Variants in SGMS2 observed in about 807,000 individuals in gnomAD.
SGMS2 encodes sphingomyelin synthase 2, also known as phosphatidylcholine:ceramide cholinephosphotransferase 2.
Under a neutral mutation model 43.8 loss-of-function variants are expected in SGMS2, and 21 were observed. The ratio of observed to expected loss-of-function variants is 0.48; its 90% CI spans 0.34 to 0.69. SGMS2 has a LOEUF of 0.69. Ranked by LOEUF, SGMS2 falls within the 30% of genes least tolerant of loss-of-function variation. SGMS2 has a pLI of 0.01. For missense variants in SGMS2, 384 were observed against 443.2 expected, an observed-to-expected ratio of 0.87 and a Z score of 1.20; for synonymous variants, 167 against 160.6, an observed-to-expected ratio of 1.04 and a Z score of -0.30.
chr4:107,828,729 G>A (rs909561350), intron 1 of SGMS2, among the ~76,000 whole-genome samples: 2 of 152,106 alleles, frequency 1.3e-5, no homozygotes, highest in Non-Finnish European at 2.9e-5. Flanking sequence ...TTTCTAAACT[G>A]TATTCAGAAT....
At chr4:107,832,417 T>C (rs1190935079) in intron 1 of SGMS2, among the ~76,000 whole-genome samples, 1 of 152,222 alleles carries the variant, frequency 6.6e-6, no homozygotes, top group East Asian at 1.9e-4. Flanking sequence ...TACTTAAAAC[T>C]GTTACTCATT....
intron 1 of SGMS2, among the ~76,000 whole-genome samples, chr4:107,844,310 T>A (rs891325311): frequency 6.7e-6 from 1 of 149,812 alleles, no homozygotes; most frequent in Non-Finnish European, 1.5e-5. Flanking sequence ...GGTGACAGAG[T>A]GAGACTCTAT....
At chr4:107,877,670 A>G (rs890980043) in intron 2 of SGMS2, among the ~76,000 whole-genome samples, 3 of 152,300 alleles carry the variant, frequency 2.0e-5, no homozygotes, top group African/African-American at 7.2e-5. Context: ...TATCCTGTAA[A>G]GATTTTTTGT....
intron 1 of SGMS2, among the ~76,000 whole-genome samples, chr4:107,853,061 TTATGA>T (rs548111055): frequency 1.1e-3 from 165 of 152,308 alleles, no homozygotes; most frequent in African/African-American, 3.7e-3. Flanking sequence ...ATTTTTACTG[TTATGA>T]TATTATATGA....
intron 2 of SGMS2, chr4:107,893,626 T>C (rs1730425677): frequency 6.6e-6 from 1 of 152,298 alleles, no homozygotes; most frequent in African/African-American, 2.4e-5. Flanking sequence ...AATGTATTGA[T>C]AGCTGGGGGC....
chr4:107,888,699 T>G (rs964580169), intron 2 of SGMS2, among the ~76,000 whole-genome samples: 1 of 152,184 alleles, frequency 6.6e-6, no homozygotes, highest in Non-Finnish European at 1.5e-5. Context: ...AAGCTTTGAA[T>G]TAGACAAAAA....
At chr4:107,863,796 G>T (rs1727918564) in intron 2 of SGMS2, 1 of 152,172 alleles carries the variant, frequency 6.6e-6, no homozygotes, top group African/African-American at 2.4e-5. Flanking sequence ...CAGTAAGTCA[G>T]ATGAAATGTT....
At chr4:107,844,759 C>T (rs1180865708) in intron 1 of SGMS2, among the ~76,000 whole-genome samples, 1 of 152,086 alleles carries the variant, frequency 6.6e-6, no homozygotes, top group Admixed American at 6.6e-5. Flanking sequence ...TAAAATGAAC[C>T]AATTTTAGAT....
chr4:107,851,687 A>G (rs1352609394), intron 1 of SGMS2, among the ~76,000 whole-genome samples: 1 of 152,224 alleles, frequency 6.6e-6, no homozygotes, highest in African/African-American at 2.4e-5. Context: ...CAGCTTCTCT[A>G]TAATAACCCC....
chr4:107,888,952 C>T (rs1047962309), intron 2 of SGMS2, among the ~76,000 whole-genome samples: 5 of 152,100 alleles, frequency 3.3e-5, no homozygotes, highest in Non-Finnish European at 4.4e-5. Context: ...TTGGAACCAC[C>T]ATTGCAAAAT....
intron 2 of SGMS2, among the ~76,000 whole-genome samples, chr4:107,883,513 G>T (rs926234773): frequency 6.6e-5 from 10 of 151,934 alleles, no homozygotes; most frequent in African/African-American, 1.9e-4. Context: ...ATAGGGTTTT[G>T]CCATGTTGGC....
At chr4:107,830,863 G>A (rs1725852430) in intron 1 of SGMS2, among the ~76,000 whole-genome samples, 1 of 152,142 alleles carries the variant, frequency 6.6e-6, no homozygotes, top group African/African-American at 2.4e-5. Flanking sequence ...TTCAGTCTTT[G>A]AAACAGAGAG....
At chr4:107,852,582 CAGG>C (rs147736710) in intron 1 of SGMS2, among the ~76,000 whole-genome samples, 1,547 of 152,254 alleles carry the variant, frequency 0.01, 22 homozygotes, top group African/African-American at 0.035. Context: ...CTTGTAGAAA[CAGG>C]AGAAATAGGA....
chr4:107,879,125 A>G (rs1253351543), intron 2 of SGMS2, among the ~76,000 whole-genome samples: 1 of 91,080 alleles, frequency 1.1e-5, no homozygotes, highest in African/African-American at 4.3e-5. Context: ...TTTTTTTTTT[A>G]GTGAGAAATA....
chr4:107,878,403 C>G (rs746234953), intron 2 of SGMS2, among the ~76,000 whole-genome samples: 14 of 152,178 alleles, frequency 9.2e-5, no homozygotes, highest in Non-Finnish European at 1.9e-4. Context: ...GCTCCCCACT[C>G]TCACACCTTA....
In SGMS2 at chr4:107,858,807, G is replaced by A. The variant is rs191996416; in HGVS notation, c.-245+254G>A. 5.3e-5 allele frequency among the ~76,000 whole-genome samples: 8 copies of A among 152,266 alleles called. No individual in the cohort carries two copies. The East Asian group carries it at 1.2e-3, about 22-fold the overall frequency. On this transcript the variant is annotated intron_variant, in intron 2 of 6. Transcript: ENST00000690982. ...GATGTTTTCTCGGTCTTGGATTGCC[G>A]TTTTAAATGACAGCCAGAGAAATAG...
At position 107,897,791 on chromosome 4, in the gene SGMS2, A is replaced by G. The variant is rs540219245; in HGVS notation, c.455+1783A>G. On this transcript the variant is annotated intron_variant, in intron 3 of 6. Transcript: ENST00000690982. ...AATTGGATCTTACATTTTAGTAACT[A>G]GTAGAATAATTTTTATAACCTGTTT... 1.1e-4 allele frequency among the ~76,000 whole-genome samples: 17 copies of G among 152,318 alleles called. No homozygotes were observed. The East Asian group carries it at 2.5e-3, about 22-fold the overall frequency.
intron 4 of SGMS2, among the ~76,000 whole-genome samples, chr4:107,902,029 C>T (rs1731156080): frequency 6.6e-6 from 1 of 152,016 alleles, no homozygotes; most frequent in Non-Finnish European, 1.5e-5. Context: ...GCCTCAGCCT[C>T]CCAAGTAGCT....
chr4:107,858,058 A>G (rs1163970012), intron 1 of SGMS2, among the ~76,000 whole-genome samples: 3 of 151,918 alleles, frequency 2.0e-5, no homozygotes, highest in Admixed American at 1.3e-4. Flanking sequence ...CCCCTTAGAA[A>G]GGCTTCCCTG....
Sources: gnomAD v4.1 joint callset for allele counts (sites outside exome capture counted in the v4.1 genomes callset) on GRCh38, gnomAD v4.1.1 for gene constraint, MANE v1.5 for transcripts, NCBI Gene and HGNC (gene_info 2026-07-23, HGNC 2026-07-21) for gene names.